Variants in CNTN3 observed in about 807,000 individuals in gnomAD.
The protein encoded by CNTN3 is contactin-3.
Under a neutral mutation model 119.1 loss-of-function variants are expected in CNTN3, and 60 were observed. That is an observed-to-expected ratio of 0.50 (90% confidence interval 0.41 to 0.62). The LOEUF is 0.62. Ranked by LOEUF, CNTN3 falls within the 20% of genes least tolerant of loss-of-function variation. CNTN3 has a pLI of 0.00. For missense variants in CNTN3, 1,101 were observed against 1,242.4 expected (o/e 0.89, Z 1.71); for synonymous variants, 450 against 438.7 (o/e 1.03, Z -0.32).
chr3:74,277,876 T>C (rs186904417), intron 20 of CNTN3, among the ~76,000 whole-genome samples: 1 of 152,230 alleles, frequency 6.6e-6, no homozygotes, highest in Non-Finnish European at 1.5e-5. Flanking sequence ...CTCTAAAGAA[T>C]CATCCAGAAA....
chr3:74,404,944 T>A (rs1358276242), intron 5 of CNTN3, among the ~76,000 whole-genome samples: 1 of 151,996 alleles, frequency 6.6e-6, no homozygotes, highest in Admixed American at 6.6e-5. Flanking sequence ...CATCACATTT[T>A]TCACTTCTTT....
chr3:74,400,322 C>T (rs983541300), intron 5 of CNTN3, among the ~76,000 whole-genome samples: 1 of 152,156 alleles, frequency 6.6e-6, no homozygotes, highest in African/African-American at 2.4e-5. Context: ...GATGGGAACA[C>T]CAAAGTTCAG....
At chr3:74,503,442 C>T (rs569637264) in intron 2 of CNTN3, among the ~76,000 whole-genome samples, 5 of 152,064 alleles carry the variant, frequency 3.3e-5, no homozygotes, top group African/African-American at 9.7e-5. Context: ...CAGGTCAGTG[C>T]ATGCTTCATA....
At position 74,443,858 on chromosome 3, in the gene CNTN3, T is replaced by C. The variant is rs919871029; in HGVS notation, c.359-18918A>G. Among the ~76,000 whole-genome samples the C allele has an allele frequency of 7.9e-4, 121 of 152,234 alleles. 1 individual carries two copies. The highest frequency in any genetic ancestry group is 2.8e-3 in the African/African-American group (115 of 41,534). ...TACTTAGTGGGTGGTGCATCAGTTT[T>C]CCAGGGCTGCCACAGCAAAGTACCA... On this transcript the variant is annotated intron_variant, in intron 4 of 22. Coordinates refer to ENST00000263665, the MANE Select transcript of CNTN3 (RefSeq NM_020872.3).
At chr3:74,304,103 A>G (rs917813434) in intron 13 of CNTN3, among the ~76,000 whole-genome samples, 6 of 152,286 alleles carry the variant, frequency 3.9e-5, no homozygotes, top group Admixed American at 1.3e-4. Flanking sequence ...AATTTCTTAA[A>G]TATTGCTTCC....
At position 74,509,390 on chromosome 3, in the gene CNTN3, C is replaced by T. The variant is rs569438944; in HGVS notation, c.56-9605G>A. On this transcript the variant is annotated intron_variant, in intron 2 of 22. Coordinates refer to ENST00000263665, the MANE Select transcript of CNTN3 (RefSeq NM_020872.3). ...GTGCAGTGATGCAACCTCCACATCC[C>T]GAGTTCAAGCAATTCTCCTGCCTCA... Among the ~76,000 whole-genome samples the T allele has an allele frequency of 4.3e-4, 65 of 151,466 alleles. No homozygotes were observed. In the Middle Eastern group the frequency reaches 0.01, roughly 24 times the overall value.
At chr3:74,337,842 C>G (rs967268857) in intron 11 of CNTN3, among the ~76,000 whole-genome samples, 1 of 151,824 alleles carries the variant, frequency 6.6e-6, no homozygotes, top group Non-Finnish European at 1.5e-5. Context: ...CAGGGTGATA[C>G]AATAGAGAGT....
intron 4 of CNTN3, among the ~76,000 whole-genome samples, chr3:74,483,879 C>A (rs572002004): frequency 4.9e-4 from 74 of 152,038 alleles, no homozygotes; most frequent in Non-Finnish European, 9.6e-4. Context: ...AAGTGCTGGC[C>A]AAGAACTAGG....
At chr3:74,528,987 T>C (rs1703657660) in intron 1 of CNTN3, among the ~76,000 whole-genome samples, 1 of 151,838 alleles carries the variant, frequency 6.6e-6, no homozygotes, top group African/African-American at 2.4e-5. Flanking sequence ...TGCAAAACAC[T>C]GTGTGAAAAA....
At chr3:74,432,543 TAA>T (rs1701801644) in intron 4 of CNTN3, among the ~76,000 whole-genome samples, 1 of 152,136 alleles carries the variant, frequency 6.6e-6, no homozygotes, top group African/African-American at 2.4e-5. Flanking sequence ...AATCAAGTGG[TAA>T]AGTTTCAAGT....
At chr3:74,569,702 C>T (rs1161967836) in intron 1 of CNTN3, among the ~76,000 whole-genome samples, 2 of 152,170 alleles carry the variant, frequency 1.3e-5, no homozygotes. Context: ...AAACAGCACA[C>T]TATTTTCACA....
chr3:74,332,205 A>G (rs1703281775), intron 13 of CNTN3, among the ~76,000 whole-genome samples: 1 of 152,232 alleles, frequency 6.6e-6, no homozygotes, highest in Admixed American at 6.5e-5. Flanking sequence ...CTTTGTATTA[A>G]TGTGCATGCT....
chr3:74,300,381 T>C (rs1702432201), intron 16 of CNTN3, among the ~76,000 whole-genome samples: 1 of 152,192 alleles, frequency 6.6e-6, no homozygotes, highest in African/African-American at 2.4e-5. Context: ...TGAGGTATTA[T>C]TTATAAACTT....
chr3:74,421,309 C>A (rs1319482036), intron 5 of CNTN3, among the ~76,000 whole-genome samples: 1 of 152,044 alleles, frequency 6.6e-6, no homozygotes, highest in East Asian at 1.9e-4. Flanking sequence ...GCTGGGACTA[C>A]AGGTGTGCAC....
chr3:74,554,092 G>A (rs1057184062), intron 1 of CNTN3, among the ~76,000 whole-genome samples: 2 of 152,088 alleles, frequency 1.3e-5, no homozygotes, highest in African/African-American at 4.8e-5. Flanking sequence ...GTTGATTTTT[G>A]TATAAGGTGT....
intron 1 of CNTN3, among the ~76,000 whole-genome samples, chr3:74,539,952 C>T (rs767701535): frequency 2.6e-5 from 4 of 152,220 alleles, no homozygotes; most frequent in Non-Finnish European, 4.4e-5. Flanking sequence ...GAACTGCACA[C>T]ATAAAATCCA....
At chr3:74,592,201 T>G (rs945951079) in intron 1 of CNTN3, among the ~76,000 whole-genome samples, 4 of 151,814 alleles carry the variant, frequency 2.6e-5, no homozygotes, top group Admixed American at 2.6e-4. Flanking sequence ...CTTGTGATCC[T>G]CAGGATTGCC....
Position 74,334,862 on chromosome 3 carries a change from C to G in CNTN3, c.1541G>C (p.Gly514Ala). The change falls in exon 13 of 23, where the codon GGT becomes GCT. Residue 514 changes from glycine (G) to alanine (A), a missense_variant. Physicochemically the swap from Gly to Ala is moderately conservative, Grantham distance 60. Coordinates refer to ENST00000263665, the MANE Select transcript of CNTN3 (RefSeq NM_020872.3). ...LAPSNMDVSV[G>A]ESVILPCQVQ... ...CTGGCAGGGCAATATGACGCTTTCA[C>G]CAACAGAAACATCCATGTTAGATGG... 1 of 1,613,578 alleles carries G rather than the reference C, an allele frequency of 6.2e-7. No individual in the cohort carries two copies. Among genetic ancestry groups the G allele is most frequent in the African/African-American group, 1.3e-5 (1 of 74,984 alleles).
chr3:74,319,971 C>A (rs1179071074), intron 13 of CNTN3, among the ~76,000 whole-genome samples: 3 of 152,124 alleles, frequency 2.0e-5, no homozygotes, highest in Non-Finnish European at 4.4e-5. Flanking sequence ...CAATGAGATA[C>A]CATCTCACAC....
Sources: allele counts gnomAD v4.1 joint callset (sites outside exome capture counted in the v4.1 genomes callset), GRCh38; gene constraint gnomAD v4.1.1; transcripts MANE v1.5; gene names NCBI Gene and HGNC (gene_info 2026-07-23, HGNC 2026-07-21).